The following ITPKB variants were observed in gnomAD, a reference collection of about 807,000 sequenced individuals.
The protein encoded by ITPKB is inositol-trisphosphate 3-kinase B.
In ITPKB, 13 loss-of-function variants were observed where a neutral mutation model predicts 69.4. The ratio of observed to expected loss-of-function variants is 0.19; its 90% CI spans 0.12 to 0.30. The LOEUF (loss-of-function observed/expected upper bound fraction) is 0.30, where lower values mean the gene tolerates loss of function less well. ITPKB is among the 10% of genes least tolerant of loss of function. The probability of loss-of-function intolerance (pLI) is 1.00; values close to 1 mark genes in which losing one functional copy is unlikely to be tolerated. For missense variants in ITPKB, 1,240 were observed against 1,250.5 expected, an observed-to-expected ratio of 0.99 and a Z score of 0.13; for synonymous variants, 584 against 513.7, an observed-to-expected ratio of 1.14 and a Z score of -1.85.
intron 2 of ITPKB, among the ~76,000 whole-genome samples, 185 bp downstream of exon 2, chr1:226,735,342 A>C (rs911798154): frequency 1.3e-5 from 2 of 152,248 alleles, no homozygotes; most frequent in Non-Finnish European, 2.9e-5. Flanking sequence ...GCTAAAATGC[A>C]TGGTCAGTGC....
intron 2 of ITPKB, chr1:226,676,344 T>C (rs1357608194): frequency 1.3e-5 from 2 of 152,152 alleles, no homozygotes; most frequent in Non-Finnish European, 2.9e-5. Context: ...AAAGAACTCA[T>C]AAATTATTTT....
chr1:226,673,320 C>T (rs1048317187), intron 2 of ITPKB, among the ~76,000 whole-genome samples: 2 of 152,150 alleles, frequency 1.3e-5, no homozygotes, highest in African/African-American at 2.4e-5. Context: ...CTGCCATGTT[C>T]GTGCCACTGC....
At chr1:226,712,812 G>C (rs1656994931) in intron 2 of ITPKB, among the ~76,000 whole-genome samples, 1 of 152,318 alleles carries the variant, frequency 6.6e-6, no homozygotes, top group South Asian at 2.1e-4. Flanking sequence ...TAGCGTCCCG[G>C]TGCATCACGG....
At chr1:226,665,783 T>C (rs781118155) in intron 2 of ITPKB, among the ~76,000 whole-genome samples, 2 of 152,096 alleles carry the variant, frequency 1.3e-5, no homozygotes, top group Non-Finnish European at 2.9e-5. Flanking sequence ...TCTAATTAGT[T>C]ACAACACAAT....
chr1:226,670,992 C>T (rs973533335), intron 2 of ITPKB, among the ~76,000 whole-genome samples: 1 of 152,184 alleles, frequency 6.6e-6, no homozygotes, highest in African/African-American at 2.4e-5. Context: ...AAAGAAACTG[C>T]TACCATATCT....
In ITPKB at chr1:226,737,348, CG is replaced by C; in HGVS notation, c.110del (p.Pro37ArgfsTer6). The C allele has an allele frequency of 6.2e-7, 1 of 1,603,736 alleles. No homozygotes were observed. Reference sequence around the variant, plus strand: ...TGCCGGGGCTCAGCACTGCCCTCCTCGGGGGCGGGGGCGTCTCGCTGCCACT... The same window carrying C: ...TGCCGGGGCTCAGCACTGCCCTCCTCGGGGCGGGGGCGTCTCGCTGCCACT... ...GPSGSETPPPPRRAVLSPGSV... is the reference protein window; with the variant it reads ...GPSGSETPPPXRRAVLSPGSV... On this transcript the variant is annotated frameshift_variant, in exon 2 of 8. Transcript: ENST00000429204. LOFTEE classifies it high-confidence loss of function.
chr1:226,649,432 C>A (rs1039137198), intron 2 of ITPKB, among the ~76,000 whole-genome samples: 2 of 110,878 alleles, frequency 1.8e-5, no homozygotes, highest in Non-Finnish European at 3.6e-5. Flanking sequence ...TGAGTGTGTG[C>A]GTATGTGTGC....
intron 2 of ITPKB, chr1:226,707,098 A>G: frequency 1.2e-6 from 1 of 817,494 alleles, no homozygotes; most frequent in Non-Finnish European, 1.5e-6. Context: ...AGGCCAGCGC[A>G]ATTAAGAACA....
At chr1:226,685,848 G>A (rs1322891407) in intron 2 of ITPKB, among the ~76,000 whole-genome samples, 1 of 152,228 alleles carries the variant, frequency 6.6e-6, no homozygotes, top group Admixed American at 6.5e-5. Context: ...TCTGGAGCTG[G>A]GGAAATGAAG....
At chr1:226,652,505 C>T (rs931317854) in intron 2 of ITPKB, among the ~76,000 whole-genome samples, 2 of 152,244 alleles carry the variant, frequency 1.3e-5, no homozygotes, top group East Asian at 3.8e-4. Context: ...CGTGCCCCTC[C>T]AGCCCTCCCT....
In ITPKB at chr1:226,637,047, G is replaced by A. The variant is rs1015761131; in HGVS notation, c.2625+632C>T. On this transcript the variant is annotated intron_variant, in intron 7 of 7. Transcript: ENST00000429204. This position sits in a 1 kb window ranked among gnomAD's most constrained non-coding sequence, Gnocchi z 4.3. The stretch of plus-strand genomic sequence containing the variant: ...GTTTATGAGTGTGATCTGTGAATGT[G>A]TGTGGTATAGGATTGATGAGTGTGG... 6.6e-6 allele frequency among the ~76,000 whole-genome samples: 1 copy of A among 152,006 alleles called. No individual in the cohort carries two copies. Among genetic ancestry groups the A allele is most frequent in the African/African-American group, 2.4e-5 (1 of 41,386 alleles).
chr1:226,670,175 CAAAAAAAAAAA>C (rs35767912), intron 2 of ITPKB, among the ~76,000 whole-genome samples: 706 of 32,030 alleles, frequency 0.022, 25 homozygotes, highest in East Asian at 0.17. Flanking sequence ...AGCTCCGCCG[CAAAAAAAAAAA>C]AAAAAAAAAA....
At chr1:226,646,643 C>T (rs959795899) in intron 4 of ITPKB, among the ~76,000 whole-genome samples, 5 of 152,012 alleles carry the variant, frequency 3.3e-5, no homozygotes, top group Middle Eastern at 3.4e-3. Flanking sequence ...TCTTGAGTTC[C>T]GTCAGGGGCT....
chr1:226,729,795 A>G (rs1657535470), intron 2 of ITPKB, among the ~76,000 whole-genome samples: 1 of 151,950 alleles, frequency 6.6e-6, no homozygotes, highest in African/African-American at 2.4e-5. Flanking sequence ...AGGTTTCACC[A>G]TGTTGACTAG....
chr1:226,737,467 G>A lies in ITPKB; in HGVS notation c.-9C>T, dbSNP rs543925346. 1 of 1,554,936 alleles carries A rather than the reference G, an allele frequency of 6.4e-7. No homozygotes were observed. Among genetic ancestry groups the A allele is most frequent in the South Asian group, 1.2e-5 (1 of 84,118 alleles). ...TAGCAGTACACAGCCATAGTACTGG[G>A]TCCCGCGCTGCCCGCCGCCGCGGCT... is the stretch of plus-strand genomic sequence containing the variant. On this transcript the variant is annotated 5_prime_UTR_variant, in exon 2 of 8. Coordinates refer to ENST00000429204, the MANE Select transcript of ITPKB (RefSeq NM_002221.4).
At position 226,637,545 on chromosome 1, in the gene ITPKB, T is replaced by G. The variant is rs1571833033; in HGVS notation, c.2625+134A>C. 1.4e-6 allele frequency: 1 copy of G among 697,856 alleles called. No individual in the cohort carries two copies. The highest frequency in any genetic ancestry group is 2.6e-6 in the Non-Finnish European group (1 of 390,358). The allele number at this position is 697,856 out of a possible 1,614,324, so 43.2% of individuals were successfully genotyped here. A position where few individuals can be genotyped will look rare whatever the true frequency, so the allele number is the denominator to read the frequency against. ...ACGCAGCTCCCCCGTGCAGCGAGGG[T>G]CTGGTCCCTGATGGCCTGCCTCTGG... On this transcript the variant is annotated intron_variant, in intron 7 of 7. Coordinates refer to ENST00000429204, the MANE Select transcript of ITPKB (RefSeq NM_002221.4). The surrounding 1 kb of genome is among the most constrained non-coding windows in gnomAD (Gnocchi z 4.3).
chr1:226,737,185 T>C lies in ITPKB; in HGVS notation c.274A>G (p.Ser92Gly), dbSNP rs200752967. 2.0e-6 allele frequency: 3 copies of C among 1,488,852 alleles called. No individual in the cohort carries two copies. The highest frequency in any genetic ancestry group is 2.7e-6 in the Non-Finnish European group (3 of 1,105,310). 92.2% of individuals were successfully genotyped at this position (1,488,852 alleles called of 1,614,324 possible). A position where few individuals can be genotyped will look rare whatever the true frequency, so the allele number is the denominator to read the frequency against. The change falls in exon 2 of 8, where the codon AGC becomes GGC. Residue 92 changes from serine to glycine, a missense_variant. Ser to Gly is a moderately conservative substitution (Grantham distance 56). This residue lies in a region of ITPKB where 992 missense variants were observed against 853.8 expected (regional missense o/e 1.16). Coordinates refer to ENST00000429204, the MANE Select transcript of ITPKB (RefSeq NM_002221.4). ...GGGCTGCTCACGCTACTGCCGCTGC[T>C]GCCGCTGCCACTGCCGCTGCTACTA... ...LNSSSGSGSG[S>G]SGSSVSSPSW... is the part of the protein sequence containing the mutation.
intron 2 of ITPKB, among the ~76,000 whole-genome samples, chr1:226,704,109 T>C (rs139886936): frequency 1.3e-5 from 2 of 152,298 alleles, no homozygotes; most frequent in African/African-American, 4.8e-5. Context: ...CTAAATACTA[T>C]TTGTTTAGAC....
chr1:226,686,591 G>A (rs1033529966), intron 2 of ITPKB, among the ~76,000 whole-genome samples: 4 of 152,296 alleles, frequency 2.6e-5, no homozygotes, highest in South Asian at 2.1e-4. Context: ...GCGGTGTAAC[G>A]TGCCCTCCAT....
Sources: allele counts gnomAD v4.1 joint callset (sites outside exome capture counted in the v4.1 genomes callset), GRCh38; gene constraint gnomAD v4.1.1; regional missense constraint gnomAD v4.1.1; non-coding constraint Gnocchi (gnomAD v3.1); transcripts MANE v1.5; gene names NCBI Gene and HGNC (gene_info 2026-07-23, HGNC 2026-07-21).